FGF18: variants seen among roughly 807,000 people sequenced by gnomAD.
The protein encoded by FGF18 is fibroblast growth factor 18.
FGF18 carries 5 observed loss-of-function variants against 23.0 expected under a neutral mutation model. The ratio of observed to expected loss-of-function variants is 0.22; its 90% CI spans 0.11 to 0.46. The LOEUF (loss-of-function observed/expected upper bound fraction) is 0.46, where lower values mean the gene tolerates loss of function less well. FGF18 is among the 20% of genes least tolerant of loss of function. The pLI is 0.99. For synonymous variants in FGF18, 117 were observed against 118.9 expected (o/e 0.98, Z 0.10); for missense variants, 180 against 291.6 (o/e 0.62, Z 2.79).
chr5:171,445,159 C>A (rs983882483), intron 3 of FGF18, among the ~76,000 whole-genome samples: 1 of 151,966 alleles, frequency 6.6e-6, no homozygotes, highest in Non-Finnish European at 1.5e-5. Context: ...GGCAGAGGAA[C>A]GACATGTGCA....
chr5:171,437,844 G>A (rs1189224487), intron 3 of FGF18, among the ~76,000 whole-genome samples: 2 of 152,160 alleles, frequency 1.3e-5, no homozygotes, highest in South Asian at 2.1e-4. Flanking sequence ...GGAGAGTACA[G>A]GGGGGTCAGA....
At chr5:171,450,397 T>A (rs994052720) in intron 4 of FGF18, among the ~76,000 whole-genome samples, 30 of 152,212 alleles carry the variant, frequency 2.0e-4, no homozygotes, top group Non-Finnish European at 3.8e-4. Context: ...AATTGAGCAC[T>A]GACTTTCTGC....
intron 2 of FGF18, among the ~76,000 whole-genome samples, chr5:171,426,638 C>G (rs890935776): frequency 7.2e-5 from 11 of 152,236 alleles, no homozygotes; most frequent in African/African-American, 2.2e-4. Context: ...AAGACAAGCC[C>G]CCTGTGGGCC....
Position 171,434,851 on chromosome 5 carries a change from C to T in FGF18, c.70-1242C>T, listed in dbSNP as rs1772224544. Among the ~76,000 whole-genome samples the T allele has an allele frequency of 6.6e-6, 1 of 150,844 alleles. No homozygotes were observed. The highest frequency in any genetic ancestry group is 1.5e-5 in the Non-Finnish European group (1 of 67,854). On this transcript the variant is annotated intron_variant, in intron 2 of 4. Coordinates refer to ENST00000274625, the MANE Select transcript of FGF18 (RefSeq NM_003862.3). The surrounding 1 kb of genome is among the most constrained non-coding windows in gnomAD (Gnocchi z 4.6). ...GATGGTGCTGCCAGTCTACTGGGGC[C>T]AAAAGACAAAACCCAGATAAGTGCT... is the stretch of plus-strand genomic sequence containing the variant.
intron 2 of FGF18, among the ~76,000 whole-genome samples, chr5:171,424,997 G>A (rs928886842): frequency 2.6e-5 from 4 of 152,190 alleles, no homozygotes; most frequent in South Asian, 2.1e-4. Flanking sequence ...GCAGCCCATC[G>A]GTCACAGATG....
chr5:171,440,314 A>G lies in FGF18; in HGVS notation c.250+4041A>G, dbSNP rs1772323450. Among the ~76,000 whole-genome samples, 1 of 152,078 alleles carries G rather than the reference A, an allele frequency of 6.6e-6. No homozygotes were observed. The highest frequency in any genetic ancestry group is 2.4e-5 in the African/African-American group (1 of 41,406). Reference sequence around the variant, plus strand: ...CTTCCAGAAAGGACCTGAGGGAAGAAGCGGTACTCCTGTCTGCTGTCAGTG... The same window carrying G: ...CTTCCAGAAAGGACCTGAGGGAAGAGGCGGTACTCCTGTCTGCTGTCAGTG... On this transcript the variant is annotated intron_variant, in intron 3 of 4. Coordinates refer to ENST00000274625, the MANE Select transcript of FGF18 (RefSeq NM_003862.3). This position sits in a 1 kb window ranked among gnomAD's most constrained non-coding sequence, Gnocchi z 4.0.
chr5:171,450,508 C>T (rs924320281), intron 4 of FGF18, among the ~76,000 whole-genome samples: 6 of 152,220 alleles, frequency 3.9e-5, no homozygotes, highest in African/African-American at 1.4e-4. Context: ...CACGCCCGGG[C>T]ACTTGTCCCA....
At chr5:171,446,319 G>A (rs944503945) in intron 3 of FGF18, among the ~76,000 whole-genome samples, 5 of 152,240 alleles carry the variant, frequency 3.3e-5, no homozygotes, top group Middle Eastern at 3.4e-3. Flanking sequence ...GGTGGCCCTG[G>A]CTGGTGAGGG....
At chr5:171,438,348 C>T (rs537227750) in intron 3 of FGF18, among the ~76,000 whole-genome samples, 34 of 152,152 alleles carry the variant, frequency 2.2e-4, no homozygotes, top group Middle Eastern at 3.4e-3. Context: ...GTGATCCACC[C>T]GCCTTGGCCT....
chr5:171,425,848 A>G (rs1245915686), intron 2 of FGF18, among the ~76,000 whole-genome samples: 1 of 152,152 alleles, frequency 6.6e-6, no homozygotes, highest in African/African-American at 2.4e-5. Flanking sequence ...GCTTTTGCAC[A>G]TTATCCAGGT....
At chr5:171,427,573 C>T (rs1346667241) in intron 2 of FGF18, among the ~76,000 whole-genome samples, 1 of 152,212 alleles carries the variant, frequency 6.6e-6, no homozygotes, top group Non-Finnish European at 1.5e-5. Flanking sequence ...AATAAGGATG[C>T]TCATCCCACT....
chr5:171,433,983 G>A (rs556532792), intron 2 of FGF18, among the ~76,000 whole-genome samples: 1 of 152,310 alleles, frequency 6.6e-6, no homozygotes, highest in East Asian at 1.9e-4. Context: ...GGAGGGTGCT[G>A]TTATCATCAC....
intron 2 of FGF18, among the ~76,000 whole-genome samples, chr5:171,422,798 A>G (rs1183342338): frequency 6.6e-6 from 1 of 152,192 alleles, no homozygotes; most frequent in Admixed American, 6.5e-5. Context: ...TCTACATGGC[A>G]GGAAGGGCTC....
rs1341350072 is a variant in FGF18, at chr5:171,436,864, A to G, written c.250+591A>G. 6.6e-6 allele frequency among the ~76,000 whole-genome samples: 1 copy of G among 152,146 alleles called. No individual in the cohort carries two copies. The highest frequency in any genetic ancestry group is 1.5e-5 in the Non-Finnish European group (1 of 68,012). ...CTCCCCTGCCTATGCTGCCTCTGCA[A>G]TGGCTGGGAGGAGTGAGACATCCCA... On this transcript the variant is annotated intron_variant, in intron 3 of 4. Coordinates refer to ENST00000274625, the MANE Select transcript of FGF18 (RefSeq NM_003862.3). This position sits in a 1 kb window ranked among gnomAD's most constrained non-coding sequence, Gnocchi z 4.4.
Position 171,456,995 on chromosome 5 carries a change from A to C in FGF18, c.*190A>C. On this transcript the variant is annotated 3_prime_UTR_variant, in exon 5 of 5. Coordinates refer to ENST00000274625, the MANE Select transcript of FGF18 (RefSeq NM_003862.3). This position sits in a 1 kb window ranked among gnomAD's most constrained non-coding sequence, Gnocchi z 6.1. The stretch of plus-strand genomic sequence containing the variant: ...ATAAGGATTTTATTGTTGACTTGAA[A>C]CCCCCGATGACAAAAGACTCACGCA... The C allele has an allele frequency of 4.3e-6, 3 of 691,332 alleles. No individual in the cohort carries two copies. Among genetic ancestry groups the C allele is most frequent in the Non-Finnish European group, 7.0e-6 (3 of 429,778 alleles). 42.8% of individuals were successfully genotyped at this position (691,332 alleles called of 1,614,324 possible).
At chr5:171,449,097 C>T in intron 3 of FGF18, 50 bp from the exon 4 acceptor site, 1 of 1,352,990 alleles carries the variant, frequency 7.4e-7, no homozygotes, top group Non-Finnish European at 1.1e-6. Context: ...TAGACCAAGC[C>T]ATTGCCCCTG....
chr5:171,452,978 G>A (rs1216770839), intron 4 of FGF18, among the ~76,000 whole-genome samples: 2 of 152,176 alleles, frequency 1.3e-5, no homozygotes, highest in Admixed American at 6.5e-5. Context: ...CAAATGGAAG[G>A]ACTAGGGCTC....
chr5:171,432,580 T>C (rs1772196712), intron 2 of FGF18, among the ~76,000 whole-genome samples: 2 of 152,102 alleles, frequency 1.3e-5, no homozygotes, highest in Admixed American at 6.5e-5. Flanking sequence ...GGCTAATTTT[T>C]GTATTTTCAG....
intron 2 of FGF18, among the ~76,000 whole-genome samples, chr5:171,433,325 T>C (rs1461702686): frequency 6.6e-6 from 1 of 152,284 alleles, no homozygotes; most frequent in South Asian, 2.1e-4. Context: ...GCAGCTCCCC[T>C]TGGGGACCTG....
Sources: allele counts gnomAD v4.1 joint callset (sites outside exome capture counted in the v4.1 genomes callset), GRCh38; gene constraint gnomAD v4.1.1; non-coding constraint Gnocchi (gnomAD v3.1); transcripts MANE v1.5; gene names NCBI Gene and HGNC (gene_info 2026-07-23, HGNC 2026-07-21).